The following FRMD5 variants were observed in gnomAD, a reference collection of about 807,000 sequenced individuals.
The protein encoded by FRMD5 is FERM domain containing 5, also known as FERM domain-containing protein 5.
Under a neutral mutation model 69.0 loss-of-function variants are expected in FRMD5, and 20 were observed. That is an observed-to-expected ratio of 0.29 (90% confidence interval 0.20 to 0.42). The LOEUF is 0.42. Among genes scored for constraint, FRMD5 ranks in the 10% least tolerant of loss-of-function variants. The pLI is 1.00. For synonymous variants in FRMD5, 271 were observed against 260.1 expected (o/e 1.04, Z -0.40); for missense variants, 595 against 708.6 (o/e 0.84, Z 1.82).
chr15:44,030,615 G>C (rs1042819856), intron 1 of FRMD5, among the ~76,000 whole-genome samples: 1 of 152,092 alleles, frequency 6.6e-6, no homozygotes, highest in Non-Finnish European at 1.5e-5. Context: ...TTCCCTTTCT[G>C]AGTCTCCCTA....
chr15:44,180,015 C>T lies in FRMD5; in HGVS notation c.102+14938G>A, dbSNP rs148007780. 4.2e-3 allele frequency among the ~76,000 whole-genome samples: 586 copies of T among 138,712 alleles called. 4 individuals are homozygous for T. Among genetic ancestry groups the T allele is most frequent in the African/African-American group, 0.015 (548 of 37,360 alleles). 91.0% of individuals were successfully genotyped at this position (138,712 alleles called of 152,430 possible). A position where few individuals can be genotyped will look rare whatever the true frequency, so the allele number is the denominator to read the frequency against. On this transcript the variant is annotated intron_variant, in intron 1 of 13. Coordinates refer to ENST00000417257, the MANE Select transcript of FRMD5 (RefSeq NM_032892.5). ...GCTCCACACCTGTGAACAGACACTG[C>T]ATTCCAGCCTGGACAAGATAGTGAG...
intron 1 of FRMD5, among the ~76,000 whole-genome samples, chr15:43,953,735 T>C (rs2090073141): frequency 6.6e-6 from 1 of 152,232 alleles, no homozygotes; most frequent in Non-Finnish European, 1.5e-5. Flanking sequence ...CACAAGGTAC[T>C]TGTCATCTGT....
At chr15:43,890,201 A>C (rs565153925) in intron 8 of FRMD5, among the ~76,000 whole-genome samples, 13 of 152,366 alleles carry the variant, frequency 8.5e-5, no homozygotes, top group Middle Eastern at 3.4e-3. Flanking sequence ...ACAAGCACAC[A>C]GATCACCTAG....
intron 1 of FRMD5, among the ~76,000 whole-genome samples, chr15:44,165,244 C>T (rs1332893859): frequency 6.6e-6 from 1 of 152,032 alleles, no homozygotes; most frequent in Non-Finnish European, 1.5e-5. Context: ...CATGGCGAAA[C>T]CCCGTCTCTA....
At chr15:43,975,728 A>ATTT (rs1424970173) in intron 1 of FRMD5, among the ~76,000 whole-genome samples, 2 of 152,230 alleles carry the variant, frequency 1.3e-5, no homozygotes, top group Non-Finnish European at 2.9e-5. Flanking sequence ...TGCAATCTCA[A>ATTT]TTAAAATCCC....
rs371855200 is a variant in FRMD5 at position 43,879,399 on chromosome 15, C to T, written c.1135+4304G>A. 7.3e-5 allele frequency: 29 copies of T among 397,892 alleles called. No homozygotes were observed. The South Asian group carries it at 9.8e-4, about 13-fold the overall frequency. The allele number at this position is 397,892 out of a possible 1,614,324, so 24.6% of individuals were successfully genotyped here. ...ACTGCTGTAAAAGCCACCACCTGTC[C>T]TGCCATTTCATCGAACCTGTTATTT... On this transcript the variant is annotated intron_variant, in intron 13 of 13. Coordinates refer to ENST00000417257, the MANE Select transcript of FRMD5 (RefSeq NM_032892.5).
Position 43,871,835 on chromosome 15 carries a change from C to T in FRMD5, c.*2050G>A, listed in dbSNP as rs756611345. 2 of 152,166 alleles carry T rather than the reference C, an allele frequency of 1.3e-5. No individual in the cohort carries two copies. The highest frequency in any genetic ancestry group is 2.9e-5 in the Non-Finnish European group (2 of 68,030). 9.4% of individuals were successfully genotyped at this position (152,166 alleles called of 1,614,324 possible). On this transcript the variant is annotated 3_prime_UTR_variant, in exon 14 of 14. Coordinates refer to ENST00000417257, the MANE Select transcript of FRMD5 (RefSeq NM_032892.5). Reference sequence around the variant, plus strand: ...GACATCTCTTTGCTGGTTAGTTGTTCAAGCACCCTTTAAACAAGCAACCCT... The same window carrying T: ...GACATCTCTTTGCTGGTTAGTTGTTTAAGCACCCTTTAAACAAGCAACCCT...
chr15:44,071,345 G>A (rs567362477), intron 1 of FRMD5, among the ~76,000 whole-genome samples: 8 of 152,046 alleles, frequency 5.3e-5, no homozygotes, highest in South Asian at 2.1e-4. Flanking sequence ...GAAGATCATC[G>A]GATCCCAGGA....
chr15:44,091,982 G>A (rs533865548), intron 1 of FRMD5, among the ~76,000 whole-genome samples: 4 of 152,192 alleles, frequency 2.6e-5, no homozygotes, highest in Non-Finnish European at 5.9e-5. Flanking sequence ...ACTGTATGAC[G>A]ACATGGGATG....
At chr15:44,009,375 T>C (rs1890609583) in intron 1 of FRMD5, among the ~76,000 whole-genome samples, 1 of 152,160 alleles carries the variant, frequency 6.6e-6, no homozygotes, top group African/African-American at 2.4e-5. Context: ...TTTGTCTTTC[T>C]GTACATTTTT....
At chr15:44,073,528 T>C (rs761661367) in intron 1 of FRMD5, among the ~76,000 whole-genome samples, 11 of 152,226 alleles carry the variant, frequency 7.2e-5, no homozygotes, top group Admixed American at 6.5e-4. Context: ...ATGTTAATAA[T>C]AGCAGAAATG....
At chr15:44,067,052 C>G (rs954788594) in intron 1 of FRMD5, among the ~76,000 whole-genome samples, 1 of 151,730 alleles carries the variant, frequency 6.6e-6, no homozygotes, top group African/African-American at 2.4e-5. Context: ...TGGAATGGAC[C>G]AGGTGGAGGT....
At chr15:44,178,233 GAGA>G (rs1187341788) in intron 1 of FRMD5, among the ~76,000 whole-genome samples, 2 of 152,102 alleles carry the variant, frequency 1.3e-5, no homozygotes, top group Non-Finnish European at 2.9e-5. Context: ...CTCACACAAG[GAGA>G]ATCGCTTGAA....
chr15:43,919,894 C>A, intron 2 of FRMD5, 85 bp from the exon 3 acceptor site: 1 of 1,244,614 alleles, frequency 8.0e-7, no homozygotes, highest in Non-Finnish European at 1.2e-6. Context: ...AAAAACTAGA[C>A]AGATTGTAGC....
At chr15:43,964,657 T>A (rs1415448420) in intron 1 of FRMD5, among the ~76,000 whole-genome samples, 9 of 152,154 alleles carry the variant, frequency 5.9e-5, no homozygotes, top group Admixed American at 5.9e-4. Flanking sequence ...ATATTCAGAA[T>A]CCTGCCCTCA....
At chr15:43,882,680 A>G (rs560359851) in intron 13 of FRMD5, among the ~76,000 whole-genome samples, 5 of 151,774 alleles carry the variant, frequency 3.3e-5, no homozygotes, top group Non-Finnish European at 4.4e-5. Context: ...TCTATAGCTG[A>G]AGCAAAACAT....
chr15:43,914,268 G>C (rs1365482621), intron 4 of FRMD5, among the ~76,000 whole-genome samples: 1 of 152,152 alleles, frequency 6.6e-6, no homozygotes, highest in Non-Finnish European at 1.5e-5. Flanking sequence ...GTTTTTTCCA[G>C]AAGATCCTTT....
intron 1 of FRMD5, among the ~76,000 whole-genome samples, chr15:44,134,423 G>C (rs2077151913): frequency 6.6e-6 from 1 of 151,976 alleles, no homozygotes. Context: ...AAAAAATAAA[G>C]CTAGGTAAGA....
intron 1 of FRMD5, among the ~76,000 whole-genome samples, chr15:44,009,505 C>T (rs1248563554): frequency 6.6e-6 from 1 of 152,128 alleles, no homozygotes; most frequent in Non-Finnish European, 1.5e-5. Flanking sequence ...CATGGAGAGA[C>T]TCTGCCTCTA....
Sources: gnomAD v4.1 joint callset for allele counts (sites outside exome capture counted in the v4.1 genomes callset) on GRCh38, gnomAD v4.1.1 for gene constraint, MANE v1.5 for transcripts, NCBI Gene and HGNC (gene_info 2026-07-23, HGNC 2026-07-21) for gene names.